HDAC9: variants seen among roughly 807,000 people sequenced by gnomAD.
HDAC9 encodes histone deacetylase 9.
Under a neutral mutation model 139.4 loss-of-function variants are expected in HDAC9, and 41 were observed. The observed-to-expected ratio is 0.29, with a 90% CI of 0.23 to 0.38. The LOEUF is 0.38. Ranked by LOEUF, HDAC9 falls within the 10% of genes least tolerant of loss-of-function variation. The pLI is 1.00. For missense variants in HDAC9, 1,147 were observed against 1,297.0 expected, an observed-to-expected ratio of 0.88 and a Z score of 1.78; for synonymous variants, 517 against 476.2, an observed-to-expected ratio of 1.09 and a Z score of -1.12.
intron 23 of HDAC9, among the ~76,000 whole-genome samples, chr7:18,945,272 G>A (rs967167742): frequency 2.6e-5 from 4 of 152,204 alleles, no homozygotes; most frequent in African/African-American, 7.2e-5. Context: ...TTGCCCAGAC[G>A]CTAATGCGGT....
At chr7:18,377,343 C>T (rs1046768772) in intron 1 of HDAC9, among the ~76,000 whole-genome samples, 6 of 152,052 alleles carry the variant, frequency 3.9e-5, no homozygotes, top group Non-Finnish European at 7.4e-5. Flanking sequence ...AGAATTTTAA[C>T]GTATTCAGTA....
intron 2 of HDAC9, among the ~76,000 whole-genome samples, chr7:18,273,051 T>G (rs1796477205): frequency 8.1e-6 from 1 of 123,990 alleles, no homozygotes; most frequent in Non-Finnish European, 1.6e-5. Flanking sequence ...TTCTTCCCCT[T>G]CTTCGTTTTT....
At chr7:18,653,679 GC>G (rs1271425258) in intron 11 of HDAC9, among the ~76,000 whole-genome samples, 1 of 152,118 alleles carries the variant, frequency 6.6e-6, no homozygotes, top group African/African-American at 2.4e-5. Flanking sequence ...GTACTGTGTT[GC>G]CCTTATTAAA....
At chr7:18,684,928 TTTGAAGGAAAA>T (rs1251418047) in intron 12 of HDAC9, among the ~76,000 whole-genome samples, 5 of 152,038 alleles carry the variant, frequency 3.3e-5, no homozygotes, top group African/African-American at 1.2e-4. Context: ...ACATTTGAAA[TTTGAAGGAAAA>T]TGGTTTCTTC....
In HDAC9 at chr7:18,303,631, C is replaced by T. The variant is rs564438790; in HGVS notation, c.-42+13116C>T. Among the ~76,000 whole-genome samples the T allele has an allele frequency of 3.9e-4, 60 of 152,218 alleles. No homozygotes were observed. The South Asian group carries it at 9.1e-3, about 23-fold the overall frequency. On this transcript the variant is annotated intron_variant, in intron 1 of 3. Transcript: ENST00000413509. ...ATTAGCTGACTACCAAATTTCATTC[C>T]TTCTTTTTCCATGGAAACAGTGCCT...
intron 21 of HDAC9, among the ~76,000 whole-genome samples, chr7:18,871,917 A>G (rs1798947705): frequency 1.3e-5 from 2 of 152,178 alleles, no homozygotes; most frequent in Non-Finnish European, 2.9e-5. Flanking sequence ...TCAGTTCAAA[A>G]TTGAGCACAT....
intron 14 of HDAC9, among the ~76,000 whole-genome samples, chr7:18,751,056 A>C (rs989301230): frequency 6.6e-6 from 1 of 152,196 alleles, no homozygotes; most frequent in Non-Finnish European, 1.5e-5. Flanking sequence ...AAATAAATGG[A>C]ATTTGATATG....
intron 1 of HDAC9, among the ~76,000 whole-genome samples, chr7:18,154,336 TAA>T: frequency 6.6e-6 from 1 of 152,312 alleles, no homozygotes; most frequent in South Asian, 2.1e-4. Flanking sequence ...AAAGCTTTAG[TAA>T]TTAGATACCT....
chr7:18,584,133 C>G (rs532442088), intron 2 of HDAC9, among the ~76,000 whole-genome samples: 2 of 131,790 alleles, frequency 1.5e-5, no homozygotes, highest in Admixed American at 8.4e-5. Context: ...CTTTAGAAAG[C>G]AGCATTCTTT....
chr7:18,441,648 CTTA>C (rs1791770520), intron 1 of HDAC9, among the ~76,000 whole-genome samples: 1 of 152,140 alleles, frequency 6.6e-6, no homozygotes, highest in Admixed American at 6.5e-5. Flanking sequence ...TCTCAGGAGA[CTTA>C]TGTTTTAGAA....
At chr7:18,437,929 C>G (rs1005905163) in intron 1 of HDAC9, among the ~76,000 whole-genome samples, 5 of 151,292 alleles carry the variant, frequency 3.3e-5, no homozygotes, top group Admixed American at 1.3e-4. Context: ...CACACACTGC[C>G]ACATTATATA....
intron 13 of HDAC9, among the ~76,000 whole-genome samples, chr7:18,741,649 A>G (rs1562903323): frequency 6.6e-6 from 1 of 152,184 alleles, no homozygotes; most frequent in Admixed American, 6.5e-5. Flanking sequence ...AAATTTTTAC[A>G]TCTTATTATT....
At chr7:18,390,559 A>G (rs1467964865) in intron 1 of HDAC9, among the ~76,000 whole-genome samples, 1 of 152,102 alleles carries the variant, frequency 6.6e-6, no homozygotes, top group African/African-American at 2.4e-5. Context: ...TTTCCACTTC[A>G]GTATATTCTG....
At chr7:18,884,237 C>G (rs977253616) in intron 22 of HDAC9, among the ~76,000 whole-genome samples, 2 of 152,130 alleles carry the variant, frequency 1.3e-5, no homozygotes, top group African/African-American at 4.8e-5. Context: ...CCTGAATAGC[C>G]TAAGCAATCT....
intron 2 of HDAC9, among the ~76,000 whole-genome samples, chr7:18,280,795 G>T (rs1797058169): frequency 1.3e-5 from 2 of 151,800 alleles, no homozygotes; most frequent in South Asian, 4.2e-4. Flanking sequence ...AAAAAGAGGG[G>T]ATTTGGATAA....
intron 1 of HDAC9, among the ~76,000 whole-genome samples, chr7:18,320,512 C>G (rs1464821667): frequency 6.6e-6 from 1 of 152,104 alleles, no homozygotes; most frequent in Admixed American, 6.5e-5. Context: ...ATCACGTTAA[C>G]TAATCACCAG....
At chr7:18,153,780 G>A (rs1439127961) in intron 1 of HDAC9, among the ~76,000 whole-genome samples, 1 of 152,168 alleles carries the variant, frequency 6.6e-6, no homozygotes, top group Non-Finnish European at 1.5e-5. Flanking sequence ...GTCTTGGCTG[G>A]GGAGGGTGCC....
chr7:18,258,887 T>C (rs570682858), intron 2 of HDAC9, among the ~76,000 whole-genome samples: 1 of 150,948 alleles, frequency 6.6e-6, no homozygotes, highest in African/African-American at 2.4e-5. Context: ...TTAGTTAATA[T>C]AAACTGAGGT....
intron 1 of HDAC9, among the ~76,000 whole-genome samples, chr7:18,131,266 T>C (rs1784982598): frequency 6.6e-6 from 1 of 152,154 alleles, no homozygotes; most frequent in South Asian, 2.1e-4. Context: ...GCTTTAAAAA[T>C]AGAACATTGA....
Sources: gnomAD v4.1 joint callset for allele counts (sites outside exome capture counted in the v4.1 genomes callset) on GRCh38, gnomAD v4.1.1 for gene constraint, MANE v1.5 for transcripts, NCBI Gene and HGNC (gene_info 2026-07-23, HGNC 2026-07-21) for gene names.